Variants in WSCD2 observed in about 807,000 individuals in gnomAD.
WSCD2 encodes the protein WSC domain sialate O sulfotransferase 2, also known as sialate:O-sulfotransferase 2.
WSCD2 carries 28 observed loss-of-function variants against 55.7 expected under a neutral mutation model. The observed-to-expected ratio is 0.50, with a 90% confidence interval of 0.37 to 0.69. WSCD2 has a LOEUF of 0.69. WSCD2 is among the 30% of genes least tolerant of loss of function. WSCD2 has a pLI of 0.00. For missense variants in WSCD2, 616 were observed against 762.1 expected, an observed-to-expected ratio of 0.81 and a Z score of 2.26; for synonymous variants, 301 against 301.9, an observed-to-expected ratio of 1.00 and a Z score of 0.03.
intron 1 of WSCD2, among the ~76,000 whole-genome samples, chr12:108,139,497 G>A (rs976507727): frequency 3.9e-5 from 6 of 152,272 alleles, no homozygotes; most frequent in African/African-American, 4.8e-5. Context: ...GAGCGAATTC[G>A]AAGCTGTGTA....
rs1267076386 is a variant in WSCD2, at chr12:108,129,505, G to A, written c.-973G>A. 6.6e-6 allele frequency: 1 copy of A among 151,434 alleles called. No homozygotes were observed. The highest frequency in any genetic ancestry group is 1.5e-5 in the Non-Finnish European group (1 of 67,710). 9.4% of individuals were successfully genotyped at this position (151,434 alleles called of 1,614,324 possible). On this transcript the variant is annotated 5_prime_UTR_variant, in exon 1 of 9. Transcript: ENST00000547525. ...GCGGGTGCCCGCGCGGGGCCTCGCC[G>A]CGGCTCGGGGCACCCGCAGTGCCGC...
intron 8 of WSCD2, among the ~76,000 whole-genome samples, chr12:108,241,943 A>T (rs1250172715): frequency 2.0e-5 from 3 of 152,222 alleles, no homozygotes; most frequent in African/African-American, 7.2e-5. Context: ...GAACTCAGGG[A>T]ATCTTGCTCC....
At chr12:108,232,365 G>A (rs932116621) in intron 6 of WSCD2, among the ~76,000 whole-genome samples, 4 of 152,118 alleles carry the variant, frequency 2.6e-5, no homozygotes, top group African/African-American at 9.7e-5. Context: ...GTTTCGATCT[G>A]GAGGAAAGGG....
At chr12:108,170,014 C>T (rs896707485) in intron 1 of WSCD2, among the ~76,000 whole-genome samples, 7 of 152,174 alleles carry the variant, frequency 4.6e-5, no homozygotes, top group Admixed American at 4.6e-4. Flanking sequence ...CCTTCTTGTA[C>T]TGGGAAGGGG....
chr12:108,221,292 C>T (rs952193907), intron 4 of WSCD2, among the ~76,000 whole-genome samples: 5 of 152,084 alleles, frequency 3.3e-5, no homozygotes, highest in African/African-American at 7.2e-5. Flanking sequence ...TGGTGACTCA[C>T]GCCTGTAATT....
intron 1 of WSCD2, among the ~76,000 whole-genome samples, chr12:108,165,982 AGAT>A (rs993648347): frequency 6.6e-6 from 1 of 152,216 alleles, no homozygotes; most frequent in Non-Finnish European, 1.5e-5. Flanking sequence ...CACCAAACTG[AGAT>A]TTTTTATTGA....
intron 1 of WSCD2, among the ~76,000 whole-genome samples, chr12:108,166,761 T>TTTCTTTCTTTTC (rs10680980): frequency 1.6e-5 from 2 of 124,820 alleles, no homozygotes; most frequent in Non-Finnish European, 3.3e-5. Flanking sequence ...TCTTTCTTTC[T>TTTCTTTCTTTTC]TTTCTTTCTT....
intron 4 of WSCD2, among the ~76,000 whole-genome samples, chr12:108,223,479 C>T (rs1298611179): frequency 6.6e-6 from 1 of 152,166 alleles, no homozygotes; most frequent in Non-Finnish European, 1.5e-5. Context: ...CAGTAGAATT[C>T]CATTGTGTGT....
intron 1 of WSCD2, among the ~76,000 whole-genome samples, chr12:108,194,061 G>A (rs1214289877): frequency 6.6e-6 from 1 of 152,140 alleles, no homozygotes; most frequent in Non-Finnish European, 1.5e-5. Flanking sequence ...AAAAGCATTG[G>A]CTAAATGGGG....
intron 1 of WSCD2, among the ~76,000 whole-genome samples, chr12:108,136,536 A>G (rs1876238433): frequency 6.6e-6 from 1 of 152,158 alleles, no homozygotes; most frequent in Admixed American, 6.5e-5. Context: ...GGGTGTTTAC[A>G]GTGCCTGGCA....
chr12:108,218,802 C>T (rs903856433), intron 4 of WSCD2, among the ~76,000 whole-genome samples: 19 of 152,136 alleles, frequency 1.2e-4, no homozygotes, highest in African/African-American at 3.6e-4. Flanking sequence ...TGCAAACAAC[C>T]GGGACAGACA....
At chr12:108,156,862 A>C (rs1592901554) in intron 1 of WSCD2, among the ~76,000 whole-genome samples, 1 of 152,196 alleles carries the variant, frequency 6.6e-6, no homozygotes, top group African/African-American at 2.4e-5. Context: ...AAACTCTGCT[A>C]TTCTGAGCCA....
intron 1 of WSCD2, among the ~76,000 whole-genome samples, chr12:108,150,534 A>G (rs376611582): frequency 4.2e-4 from 64 of 152,182 alleles, no homozygotes; most frequent in African/African-American, 1.5e-3. Context: ...TGAGGGATGG[A>G]TTTGCAGAAA....
intron 5 of WSCD2, 21 bp from the exon 6 acceptor site, chr12:108,226,969 C>G (rs748670138): frequency 1.9e-6 from 3 of 1,606,118 alleles, no homozygotes; most frequent in Middle Eastern, 1.7e-4. Context: ...TCTTCCTCTT[C>G]TTCTCCCACT....
chr12:108,233,985 T>G (rs1362785402), intron 7 of WSCD2, among the ~76,000 whole-genome samples: 1 of 152,198 alleles, frequency 6.6e-6, no homozygotes, highest in African/African-American at 2.4e-5. Flanking sequence ...TCCTGTGTCC[T>G]CATGCACAAA....
intron 1 of WSCD2, among the ~76,000 whole-genome samples, chr12:108,146,146 A>G (rs1877370933): frequency 6.6e-6 from 1 of 152,252 alleles, no homozygotes; most frequent in South Asian, 2.1e-4. Flanking sequence ...TACATGATGC[A>G]AATTGTACAT....
At chr12:108,168,386 G>A (rs1272601887) in intron 1 of WSCD2, among the ~76,000 whole-genome samples, 1 of 152,116 alleles carries the variant, frequency 6.6e-6, no homozygotes, top group African/African-American at 2.4e-5. Flanking sequence ...TCCCTTAAAT[G>A]TCCCTTTACT....
At chr12:108,214,432 T>G (rs988908585) in intron 4 of WSCD2, among the ~76,000 whole-genome samples, 1 of 152,244 alleles carries the variant, frequency 6.6e-6, no homozygotes, top group Non-Finnish European at 1.5e-5. Context: ...CTCGGGCACG[T>G]GGACTCTTTG....
rs1883862989 is a variant in WSCD2, at chr12:108,195,979, G to A, written c.147G>A (p.Gln49=). 1.2e-6 allele frequency: 2 copies of A among 1,614,120 alleles called. No homozygotes were observed. ...FVGQPAVSGN[Q]ANPAAAGGPA... The stretch of plus-strand genomic sequence containing the variant: ...GCCAGCCCGCTGTCTCGGGGAACCA[G>A]GCGAACCCCGCTGCTGCAGGAGGCC... The change falls in exon 2 of 9, where the codon CAG becomes CAA. Residue 49 remains glutamine, a synonymous_variant. Coordinates refer to ENST00000547525, the MANE Select transcript of WSCD2 (RefSeq NM_014653.4).
Sources: allele counts gnomAD v4.1 joint callset (sites outside exome capture counted in the v4.1 genomes callset), GRCh38; gene constraint gnomAD v4.1.1; transcripts MANE v1.5; gene names NCBI Gene and HGNC (gene_info 2026-07-23, HGNC 2026-07-21).